PSMA7: variants seen among roughly 807,000 people sequenced by gnomAD.
PSMA7 encodes the protein proteasome 20S subunit alpha 7, also known as proteasome subunit alpha type-7.
A neutral mutation model predicts 31.3 loss-of-function variants in PSMA7; 5 were observed. The observed-to-expected ratio is 0.16, with a 90% CI of 0.08 to 0.34. PSMA7 has a LOEUF of 0.34. Ranked by LOEUF, PSMA7 falls within the 10% of genes least tolerant of loss-of-function variation. PSMA7 has a pLI of 1.00. For synonymous variants in PSMA7, 155 were observed against 121.9 expected, an observed-to-expected ratio of 1.27 and a Z score of -1.79; for missense variants, 217 against 327.5, an observed-to-expected ratio of 0.66 and a Z score of 2.60.
At chr20:62,141,528 G>A (rs1191560601) in intron 1 of PSMA7, among the ~76,000 whole-genome samples, 2 of 152,264 alleles carry the variant, frequency 1.3e-5, no homozygotes, top group African/African-American at 2.4e-5. Flanking sequence ...CAAATACTGA[G>A]ATGTAGTTTT....
Position 62,143,364 on chromosome 20 carries a change from C to T in PSMA7, c.-61G>A, listed in dbSNP as rs3746651. 0.77 allele frequency: 772,281 copies of T among 1,006,390 alleles called. 305,654 individuals are homozygous for T. The highest frequency in any genetic ancestry group is 0.82 in the East Asian group (19,665 of 24,076). The allele number at this position is 1,006,390 out of a possible 1,614,324, so 62.3% of individuals were successfully genotyped here. A position where few individuals can be genotyped will look rare whatever the true frequency, so the allele number is the denominator to read the frequency against. On this transcript the variant is annotated 5_prime_UTR_variant, in exon 1 of 7. Transcript: ENST00000370873. Reference sequence around the variant, plus strand: ...CTCTCAAAAGCGCACACTCACGGCCCGCGCGCACCCGCGACTCCCGGCGCC... The same window carrying T: ...CTCTCAAAAGCGCACACTCACGGCCTGCGCGCACCCGCGACTCCCGGCGCC...
In PSMA7 at chr20:62,143,329, T is replaced by A. The variant is rs1201103595; in HGVS notation, c.-26A>T. 7.4e-7 allele frequency: 1 copy of A among 1,350,962 alleles called. No homozygotes were observed. The highest frequency in any genetic ancestry group is 2.6e-5 in the Admixed American group (1 of 39,060). 83.7% of individuals were successfully genotyped at this position (1,350,962 alleles called of 1,614,324 possible). Reference sequence around the variant, plus strand: ...GCCGGCGGGCGGCGGCCGGGCTCCTTCCGCCGCGACTCTCAAAAGCGCACA... The same window carrying A: ...GCCGGCGGGCGGCGGCCGGGCTCCTACCGCCGCGACTCTCAAAAGCGCACA... On this transcript the variant is annotated 5_prime_UTR_variant, in exon 1 of 7. Coordinates refer to ENST00000370873, the MANE Select transcript of PSMA7 (RefSeq NM_002792.4).
chr20:62,141,840 G>A (rs2056929553), intron 1 of PSMA7, among the ~76,000 whole-genome samples: 2 of 152,232 alleles, frequency 1.3e-5, no homozygotes, highest in African/African-American at 4.8e-5. Context: ...GTTATTAAAA[G>A]CATGAACAAT....
intron 4 of PSMA7, among the ~76,000 whole-genome samples, 184 bp from the exon 5 acceptor site, chr20:62,138,474 G>C (rs1017684604): frequency 2.0e-5 from 3 of 152,056 alleles, no homozygotes; most frequent in Non-Finnish European, 4.4e-5. Flanking sequence ...GAGCTCTTTA[G>C]AGTTGATGCT....
chr20:62,138,411 T>A (rs1011421641), intron 4 of PSMA7, 121 bp from the exon 5 acceptor site: 2 of 1,322,986 alleles, frequency 1.5e-6, no homozygotes, highest in Non-Finnish European at 2.0e-6. Flanking sequence ...CAAGCTGGAG[T>A]GCTGGACAGC....
rs2056896182 is a variant in PSMA7, at chr20:62,136,788, G to A, written c.*69C>T. 3.3e-6 allele frequency: 5 copies of A among 1,536,018 alleles called. No individual in the cohort carries two copies. The highest frequency in any genetic ancestry group is 2.3e-5 in the Admixed American group (1 of 44,396). ...TCAGTGTGAATAAATGGAATGGAAA[G>A]GCCTACACATCGAGACTCATCCATG... On this transcript the variant is annotated 3_prime_UTR_variant, in exon 7 of 7. Coordinates refer to ENST00000370873, the MANE Select transcript of PSMA7 (RefSeq NM_002792.4).
chr20:62,137,092 C>T, intron 6 of PSMA7, 143 bp from the exon 7 acceptor site: 1 of 1,172,830 alleles, frequency 8.5e-7, no homozygotes, highest in Non-Finnish European at 1.2e-6. Context: ...CAAGAGGATG[C>T]TGGCCTGACC....
intron 1 of PSMA7, 79 bp from the exon 2 acceptor site, chr20:62,141,023 A>G (rs1033040899): frequency 1.0e-5 from 16 of 1,558,226 alleles, no homozygotes; most frequent in Non-Finnish European, 1.4e-5. Flanking sequence ...TAATTCCAGC[A>G]CTTTGGGAGG....
At chr20:62,142,052 C>T (rs1455208712) in intron 1 of PSMA7, among the ~76,000 whole-genome samples, 2 of 152,232 alleles carry the variant, frequency 1.3e-5, no homozygotes, top group Non-Finnish European at 2.9e-5. Flanking sequence ...CCAAGAGCAC[C>T]TCTGCAAGGT....
At chr20:62,140,766 A>T in intron 2 of PSMA7, 52 bp downstream of exon 2, 2 of 1,601,982 alleles carry the variant, frequency 1.2e-6, no homozygotes, top group South Asian at 2.2e-5. Flanking sequence ...CCAAAGCCCT[A>T]TTCTTCGCTG....
chr20:62,139,046 T>C (rs1371119187), intron 4 of PSMA7, 29 bp downstream of exon 4: 5 of 1,608,342 alleles, frequency 3.1e-6, no homozygotes, highest in African/African-American at 2.7e-5. Flanking sequence ...CTGGCAAGAC[T>C]GTCCAAAGCC....
intron 1 of PSMA7, 77 bp from the exon 2 acceptor site, chr20:62,141,021 G>T: frequency 6.4e-7 from 1 of 1,566,356 alleles, no homozygotes; most frequent in Non-Finnish European, 8.7e-7. Context: ...GTTAATTCCA[G>T]CACTTTGGGA....
Position 62,138,259 on chromosome 20 carries a change from A to G in PSMA7, c.503T>C (p.Val168Ala), listed in dbSNP as rs1284502575. Reference protein sequence around the residue: ...ANAIGRGAKSVREFLEKNYTD... With the variant: ...ANAIGRGAKSAREFLEKNYTD... ...ATAGTTCTTCTCCAGGAACTCGCGC[A>G]CTGACTTGGCACCCCGACCTATGGC... The change falls in exon 5 of 7, where the codon GTG (valine) becomes GCG (alanine). Residue 168 changes from valine (V) to alanine (A), a missense_variant. Around this residue, in one of 3 missense-constraint regions of PSMA7, gnomAD observed 88 missense variants for 111.6 expected, o/e 0.79. Coordinates refer to ENST00000370873, the MANE Select transcript of PSMA7 (RefSeq NM_002792.4). 1.2e-6 allele frequency: 2 copies of G among 1,613,336 alleles called. No individual in the cohort carries two copies. The highest frequency in any genetic ancestry group is 1.7e-5 in the Admixed American group (1 of 59,984).
At chr20:62,138,971 A>T (rs1252391004) in intron 4 of PSMA7, 104 bp downstream of exon 4, 2 of 1,420,076 alleles carry the variant, frequency 1.4e-6, no homozygotes, top group Non-Finnish European at 1.9e-6. Context: ...ACTTAAACTG[A>T]CTCATTCACT....
intron 5 of PSMA7, among the ~76,000 whole-genome samples, chr20:62,137,867 G>A (rs184140157): frequency 9.4e-4 from 143 of 152,316 alleles, no homozygotes; most frequent in Non-Finnish European, 1.7e-3. Flanking sequence ...GTGATGGCTC[G>A]AGAACAGATT....
rs778557562 is a variant in PSMA7 at position 62,143,262 on chromosome 20, G to C, written c.42C>G (p.Gly14=). Residue 14 remains glycine, a synonymous_variant, in exon 1 of 7, where the codon GGC becomes GGG. Coordinates refer to ENST00000370873, the MANE Select transcript of PSMA7 (RefSeq NM_002792.4). ...DRAITVFSPD[G]HLFQVEYAQE... is the part of the protein sequence containing the mutation. Reference sequence around the variant, plus strand: ...GCGCGTACTCCACTTGGAAGAGGTGGCCGTCGGGCGAGAAGACGGTGATGG... The same window carrying C: ...GCGCGTACTCCACTTGGAAGAGGTGCCCGTCGGGCGAGAAGACGGTGATGG... 2 of 1,481,178 alleles carry C rather than the reference G, an allele frequency of 1.4e-6. No homozygotes were observed. The highest frequency in any genetic ancestry group is 9.0e-7 in the Non-Finnish European group (1 of 1,109,504). 91.8% of individuals were successfully genotyped at this position (1,481,178 alleles called of 1,614,324 possible). A position where few individuals can be genotyped will look rare whatever the true frequency, so the allele number is the denominator to read the frequency against.
rs1317636396 is a variant in PSMA7, at chr20:62,139,856, G to A, written c.273C>T (p.Cys91=). 6.2e-7 allele frequency: 1 copy of A among 1,614,036 alleles called. No homozygotes were observed. The highest frequency in any genetic ancestry group is 8.5e-7 in the Non-Finnish European group (1 of 1,180,034). The stretch of plus-strand genomic sequence containing the variant: ...CCTCCACAGTCAGCCGGTGGCTCTG[G>A]CACTCCACCCGGGCCCTGTTGATGA... The part of the protein sequence containing the change: ...RIVINRARVE[C]QSHRLTVEDP... The change falls in exon 3 of 7, where the codon TGC becomes TGT. Residue 91 remains cysteine (C), a synonymous_variant. Coordinates refer to ENST00000370873, the MANE Select transcript of PSMA7 (RefSeq NM_002792.4).
chr20:62,139,795 C>T lies in PSMA7; in HGVS notation c.334G>A (p.Ala112Thr), dbSNP rs2056916232. 2.5e-6 allele frequency: 4 copies of T among 1,613,936 alleles called. No individual in the cohort carries two copies. Among genetic ancestry groups the T allele is most frequent in the Non-Finnish European group, 3.4e-6 (4 of 1,180,046 alleles). Residue 112 changes from alanine to threonine, a missense_variant, in exon 3 of 7, where the codon GCC becomes ACC. This residue lies in a region of PSMA7 where 53 missense variants were observed against 119.4 expected (regional missense o/e 0.44). Transcript: ENST00000370873. ...VTVEYITRYI[A>T]SLKQRYTQSN... ...CAGGCACCCACCTGCTTCAGACTGG[C>T]GATGTAGCGGGTGATGTACTCCACA...
intron 3 of PSMA7, 131 bp from the exon 4 acceptor site, chr20:62,139,328 T>C: frequency 8.7e-7 from 1 of 1,153,884 alleles, no homozygotes; most frequent in Non-Finnish European, 1.2e-6. Context: ...GCAGTTCAAA[T>C]GATACATTAG....
Sources: allele counts gnomAD v4.1 joint callset (sites outside exome capture counted in the v4.1 genomes callset), GRCh38; gene constraint gnomAD v4.1.1; regional missense constraint gnomAD v4.1.1; transcripts MANE v1.5; gene names NCBI Gene and HGNC (gene_info 2026-07-23, HGNC 2026-07-21).